The following PLXNA4 variants were observed in gnomAD, a reference collection of about 807,000 sequenced individuals.
PLXNA4 encodes the protein plexin-A4.
Under a neutral mutation model 191.8 loss-of-function variants are expected in PLXNA4, and 44 were observed. The observed-to-expected ratio is 0.23, with a 90% CI of 0.18 to 0.29. PLXNA4 has a LOEUF of 0.29. Among genes scored for constraint, PLXNA4 ranks in the 10% least tolerant of loss-of-function variants. PLXNA4 has a pLI of 1.00. For missense variants in PLXNA4, 1,800 were observed against 2,488.8 expected (o/e 0.72, Z 5.89); for synonymous variants, 1,082 against 1,009.5 (o/e 1.07, Z -1.36).
chr7:132,357,113 C>T (rs73436710), intron 3 of PLXNA4, among the ~76,000 whole-genome samples: 2 of 152,114 alleles, frequency 1.3e-5, no homozygotes, highest in African/African-American at 2.4e-5. Context: ...TCTTCCAGAC[C>T]CAAAAGCCTG....
Position 132,210,935 on chromosome 7 carries a change from C to G in PLXNA4, c.2298+8G>C. The G allele has an allele frequency of 6.2e-7, 1 of 1,608,112 alleles. No individual in the cohort carries two copies. Among genetic ancestry groups the G allele is most frequent in the Non-Finnish European group, 8.5e-7 (1 of 1,177,270 alleles). On this transcript the variant is annotated splice_region_variant and intron_variant, in intron 10 of 31. Coordinates refer to ENST00000321063, the MANE Select transcript of PLXNA4 (RefSeq NM_020911.2). Reference sequence around the variant, plus strand: ...TGGTTTGGCAGTGGGCAGGGTTGGGCGACTCACAGAGGTGTTCTGGCACTG... The same window carrying G: ...TGGTTTGGCAGTGGGCAGGGTTGGGGGACTCACAGAGGTGTTCTGGCACTG...
chr7:132,523,352 C>T (rs971667782), intron 1 of PLXNA4, among the ~76,000 whole-genome samples: 2 of 152,184 alleles, frequency 1.3e-5, no homozygotes, highest in African/African-American at 4.8e-5. Flanking sequence ...TCTGAGGTGA[C>T]ACTTGCAGGG....
At chr7:132,154,671 C>T (rs1317652700) in intron 25 of PLXNA4, among the ~76,000 whole-genome samples, 1 of 152,026 alleles carries the variant, frequency 6.6e-6, no homozygotes, top group Non-Finnish European at 1.5e-5. Flanking sequence ...ACACAGGGCT[C>T]TGGCATGGCT....
chr7:132,584,793 C>T (rs970132176), intron 2 of PLXNA4, among the ~76,000 whole-genome samples: 10 of 152,122 alleles, frequency 6.6e-5, no homozygotes, highest in South Asian at 2.1e-4. Context: ...CGTTTTACCA[C>T]GTGCAAGTAC....
chr7:132,623,238 C>T lies in PLXNA4; in HGVS notation c.-87+22690G>A, dbSNP rs185242609. On this transcript the variant is annotated intron_variant, in intron 2 of 4. Coordinates refer to the PLXNA4 transcript ENST00000378539. Reference sequence around the variant, plus strand: ...GCACGTGCCTGTAATCCCAGGTACTCGGGAGACTGAGGCAGGAGAGTCACT... The same window carrying T: ...GCACGTGCCTGTAATCCCAGGTACTTGGGAGACTGAGGCAGGAGAGTCACT... 2.6e-5 allele frequency among the ~76,000 whole-genome samples: 4 copies of T among 151,672 alleles called. No homozygotes were observed. In the East Asian group the frequency reaches 7.8e-4, roughly 30 times the overall value.
chr7:132,362,503 A>T (rs1803986084), intron 3 of PLXNA4, among the ~76,000 whole-genome samples: 1 of 152,254 alleles, frequency 6.6e-6, no homozygotes, highest in Admixed American at 6.5e-5. Flanking sequence ...AGATGGGAGT[A>T]AGCTGCAACT....
intron 4 of PLXNA4, among the ~76,000 whole-genome samples, chr7:132,297,121 CTG>C (rs1470398801): frequency 2.6e-5 from 4 of 152,212 alleles, no homozygotes; most frequent in Non-Finnish European, 4.4e-5. Context: ...AATCCAGACT[CTG>C]TCAGCAGGGT....
At chr7:132,640,263 C>A (rs186554848) in intron 2 of PLXNA4, among the ~76,000 whole-genome samples, 1 of 152,322 alleles carries the variant, frequency 6.6e-6, no homozygotes, top group East Asian at 1.9e-4. Flanking sequence ...CAGCATAGAA[C>A]TGACAACCAA....
intron 29 of PLXNA4, among the ~76,000 whole-genome samples, chr7:132,144,520 A>G (rs536449714): frequency 6.6e-6 from 1 of 152,366 alleles, no homozygotes; most frequent in African/African-American, 2.4e-5. Context: ...CAGAGCTTGG[A>G]AAAGAGAAGA....
At chr7:132,534,384 A>C (rs1392540109) in intron 1 of PLXNA4, among the ~76,000 whole-genome samples, 1 of 152,080 alleles carries the variant, frequency 6.6e-6, no homozygotes, top group Non-Finnish European at 1.5e-5. Context: ...AACAGCAGCA[A>C]CTTCCAAGTG....
At chr7:132,602,803 C>T (rs577040516) in intron 2 of PLXNA4, among the ~76,000 whole-genome samples, 2 of 152,154 alleles carry the variant, frequency 1.3e-5, no homozygotes, top group East Asian at 1.9e-4. Context: ...GTGAGAAGGT[C>T]GTCAGACTCT....
intron 2 of PLXNA4, among the ~76,000 whole-genome samples, chr7:132,620,213 A>C (rs1244380181): frequency 5.9e-5 from 9 of 152,224 alleles, no homozygotes; most frequent in Admixed American, 3.9e-4. Context: ...GCACGTTCTC[A>C]TAATCCCACC....
intron 3 of PLXNA4, among the ~76,000 whole-genome samples, chr7:132,327,173 A>AAAAAAAAAG: frequency 7.5e-6 from 1 of 133,980 alleles, no homozygotes; most frequent in African/African-American, 2.7e-5. Flanking sequence ...GGAAGGCAAA[A>AAAAAAAAAG]AAAAAAGAAA....
chr7:132,186,803 A>G (rs59277030), intron 15 of PLXNA4, among the ~76,000 whole-genome samples: 9,940 of 152,248 alleles, frequency 0.065, 456 homozygotes, highest in African/African-American at 0.12. Flanking sequence ...AACAAAGATG[A>G]TAACAGCCTT....
chr7:132,449,101 A>C (rs919616167), intron 3 of PLXNA4, among the ~76,000 whole-genome samples: 5 of 152,214 alleles, frequency 3.3e-5, no homozygotes, highest in Admixed American at 6.5e-5. Context: ...AGAGGTAAAA[A>C]TTAGCTGGTT....
intron 13 of PLXNA4, among the ~76,000 whole-genome samples, chr7:132,197,155 C>T (rs905922769): frequency 5.9e-5 from 9 of 152,094 alleles, no homozygotes; most frequent in Non-Finnish European, 7.4e-5. Context: ...AAATTTCCAC[C>T]TGCATTTTCT....
chr7:132,250,296 C>T (rs1799202555), intron 4 of PLXNA4, among the ~76,000 whole-genome samples: 5 of 152,152 alleles, frequency 3.3e-5, no homozygotes, highest in Admixed American at 2.6e-4. Context: ...CTCTTCACTC[C>T]ACTATACCTA....
chr7:132,382,332 C>A (rs894752305), intron 3 of PLXNA4, among the ~76,000 whole-genome samples: 1 of 152,088 alleles, frequency 6.6e-6, no homozygotes, highest in Non-Finnish European at 1.5e-5. Context: ...TAATATTTGA[C>A]CAGCTGAGGG....
chr7:132,508,209 C>T lies in PLXNA4; in HGVS notation c.485G>A (p.Gly162Asp). The T allele has an allele frequency of 6.2e-7, 1 of 1,614,212 alleles. No individual in the cohort carries two copies. Among genetic ancestry groups the T allele is most frequent in the Non-Finnish European group, 8.5e-7 (1 of 1,180,034 alleles). ...AAAGACTGAGCCGCTCTCGTTGACA[C>T]CTGACAGATAGTGCTCCTTCTTATG... Reference protein sequence around the residue: ...PYHKKEHYLSGVNESGSVFGV... With the variant: ...PYHKKEHYLSDVNESGSVFGV... Residue 162 changes from glycine (G) to aspartate (D), a missense_variant, in exon 2 of 32, where the codon GGT becomes GAT. Around this residue, in one of 6 missense-constraint regions of PLXNA4, gnomAD observed 1,397 missense variants for 1,880.4 expected, o/e 0.74. Transcript: ENST00000321063. This position sits in a 1 kb window ranked among gnomAD's most constrained non-coding sequence, Gnocchi z 4.4.
Sources: allele counts gnomAD v4.1 joint callset (sites outside exome capture counted in the v4.1 genomes callset), GRCh38; gene constraint gnomAD v4.1.1; regional missense constraint gnomAD v4.1.1; non-coding constraint Gnocchi (gnomAD v3.1); transcripts MANE v1.5; gene names NCBI Gene and HGNC (gene_info 2026-07-23, HGNC 2026-07-21).